HMCN1: variants seen among roughly 807,000 people sequenced by gnomAD.
HMCN1 encodes hemicentin 1.
Under a neutral mutation model 625.9 loss-of-function variants are expected in HMCN1, and 321 were observed. The observed-to-expected ratio is 0.51, with a 90% CI of 0.47 to 0.56. The LOEUF (loss-of-function observed/expected upper bound fraction) is 0.56, where lower values mean the gene tolerates loss of function less well. HMCN1 is among the 20% of genes least tolerant of loss of function. HMCN1 has a pLI of 0.00. For synonymous variants in HMCN1, 2,425 were observed against 2,417.6 expected, an observed-to-expected ratio of 1.00 and a Z score of -0.09; for missense variants, 6,588 against 6,887.3, an observed-to-expected ratio of 0.96 and a Z score of 1.54.
intron 93 of HMCN1, among the ~76,000 whole-genome samples, chr1:186,148,674 T>C (rs989802038): frequency 4.6e-5 from 7 of 152,086 alleles, no homozygotes; most frequent in African/African-American, 9.7e-5. Context: ...GCTAATTTTT[T>C]GTATTTTTTT....
intron 11 of HMCN1, among the ~76,000 whole-genome samples, chr1:185,960,073 T>C (rs1649899075): frequency 6.6e-6 from 1 of 152,090 alleles, no homozygotes; most frequent in African/African-American, 2.4e-5. Flanking sequence ...AAATCTAATT[T>C]TGCTCCTCTG....
At chr1:185,780,162 G>A (rs1656958953) in intron 1 of HMCN1, among the ~76,000 whole-genome samples, 1 of 152,184 alleles carries the variant, frequency 6.6e-6, no homozygotes, top group African/African-American at 2.4e-5. Context: ...TGTTATTGGT[G>A]TATAAGAATG....
chr1:186,003,976 A>G lies in HMCN1; in HGVS notation c.4475+132A>G, dbSNP rs74316016. On this transcript the variant is annotated intron_variant, in intron 29 of 106. Transcript: ENST00000271588. ...ATTAAATGAGCATACAGGAAAAACAATATTGCTCAAAAGCTAGTCTGAAAG... is the reference window on the plus strand; with the variant it reads ...ATTAAATGAGCATACAGGAAAAACAGTATTGCTCAAAAGCTAGTCTGAAAG... 3,557 of 865,066 alleles carry G rather than the reference A, an allele frequency of 4.1e-3. 84 individuals are homozygous for G. The African/African-American group carries it at 0.055, about 13-fold the overall frequency. 53.6% of individuals were successfully genotyped at this position (865,066 alleles called of 1,614,324 possible).
At chr1:186,019,348 TAAG>T (rs1450557706) in intron 34 of HMCN1, among the ~76,000 whole-genome samples, 190 bp from the exon 35 acceptor site, 1 of 152,056 alleles carries the variant, frequency 6.6e-6, no homozygotes, top group Non-Finnish European at 1.5e-5. Context: ...AATCCATAGT[TAAG>T]AAGTAACTAA....
intron 11 of HMCN1, among the ~76,000 whole-genome samples, chr1:185,936,428 C>G (rs1571583529): frequency 6.6e-6 from 1 of 151,948 alleles, no homozygotes; most frequent in African/African-American, 2.4e-5. Context: ...GAACATTTAT[C>G]TATATTTTAA....
chr1:186,145,418 G>A lies in HMCN1; in HGVS notation c.14282G>A (p.Ser4761Asn), dbSNP rs1161031077. ...SDPCPTHGNW[S>N]PWSGWGTCSR... ...TGTCTTGTAGCCCATGGTAACTGGA[G>A]TCCTTGGAGTGGCTGGGGAACATGC... The change falls in exon 92 of 107, where the codon AGT (serine) becomes AAT (asparagine). Residue 4761 changes from serine (S) to asparagine (N), a missense_variant. Around this residue, in one of 3 missense-constraint regions of HMCN1, gnomAD observed 1,954 missense variants for 2,013.1 expected, o/e 0.97. Coordinates refer to ENST00000271588, the MANE Select transcript of HMCN1 (RefSeq NM_031935.3). The A allele has an allele frequency of 6.3e-7, 1 of 1,583,884 alleles. No homozygotes were observed. The highest frequency in any genetic ancestry group is 1.4e-5 in the African/African-American group (1 of 73,882).
At chr1:185,932,360 A>G (rs964807905) in intron 10 of HMCN1, among the ~76,000 whole-genome samples, 2 of 152,196 alleles carry the variant, frequency 1.3e-5, no homozygotes, top group African/African-American at 4.8e-5. Context: ...TCTTCATTCT[A>G]GGCTTATGAT....
rs776842026 is a variant in HMCN1 at position 186,074,703 on chromosome 1, T to G, written c.8140-38T>G. 3 of 1,597,092 alleles carry G rather than the reference T, an allele frequency of 1.9e-6. No homozygotes were observed. In the South Asian group the frequency reaches 3.3e-5, roughly 18 times the overall value. On this transcript the variant is annotated intron_variant, in intron 52 of 106. Coordinates refer to ENST00000271588, the MANE Select transcript of HMCN1 (RefSeq NM_031935.3). ...GCATGGCCTCTTAGAGGATTCATTA[T>G]AGCACTTAATGCTAACATTGTTATA...
At chr1:185,813,948 G>C (rs1659686499) in intron 1 of HMCN1, among the ~76,000 whole-genome samples, 1 of 152,122 alleles carries the variant, frequency 6.6e-6, no homozygotes, top group Non-Finnish European at 1.5e-5. Flanking sequence ...AATAGGATAT[G>C]GAGTTCACTT....
chr1:185,763,085 G>A (rs1655617443), intron 1 of HMCN1, among the ~76,000 whole-genome samples: 1 of 152,162 alleles, frequency 6.6e-6, no homozygotes, highest in Non-Finnish European at 1.5e-5. Flanking sequence ...GATTCCAGGA[G>A]CACCTGGGCC....
At chr1:186,126,875 C>A (rs1029862254) in intron 82 of HMCN1, among the ~76,000 whole-genome samples, 1 of 151,988 alleles carries the variant, frequency 6.6e-6, no homozygotes, top group African/African-American at 2.4e-5. Flanking sequence ...TAAAGGGTTA[C>A]GTTGGCTGTT....
intron 4 of HMCN1, among the ~76,000 whole-genome samples, chr1:185,867,038 C>A (rs1431459925): frequency 3.3e-5 from 5 of 151,980 alleles, no homozygotes; most frequent in Non-Finnish European, 7.4e-5. Flanking sequence ...TTCAGTAGTT[C>A]TCTTATAGCT....
chr1:186,176,320 A>T (rs1213252795), intron 103 of HMCN1, among the ~76,000 whole-genome samples: 1 of 152,234 alleles, frequency 6.6e-6, no homozygotes, highest in East Asian at 1.9e-4. Flanking sequence ...TAGTTTTGCC[A>T]GTATTCCTAC....
intron 2 of HMCN1, among the ~76,000 whole-genome samples, chr1:185,847,949 T>C (rs931367949): frequency 6.6e-6 from 1 of 151,798 alleles, no homozygotes; most frequent in African/African-American, 2.4e-5. Context: ...TGAGACCCTG[T>C]CTCCAAAAGA....
Position 185,803,528 on chromosome 1 carries a change from G to GA in HMCN1, c.269-42492dup, listed in dbSNP as rs574618262. 9.7e-4 allele frequency among the ~76,000 whole-genome samples: 147 copies of GA among 151,918 alleles called. 1 individual carries two copies. In the South Asian group the frequency reaches 0.029, roughly 30 times the overall value. ...CTTTCCAAAACGATTTGTGGTGAGGGAAAAAAGGGAGTTGAAAAGTAAGTC... is the reference window on the plus strand; with the variant it reads ...CTTTCCAAAACGATTTGTGGTGAGGGAAAAAAAGGGAGTTGAAAAGTAAGTC... On this transcript the variant is annotated intron_variant, in intron 1 of 106. Transcript: ENST00000271588.
At chr1:185,895,214 G>A (rs1274426715) in intron 4 of HMCN1, among the ~76,000 whole-genome samples, 1 of 152,182 alleles carries the variant, frequency 6.6e-6, no homozygotes, top group Non-Finnish European at 1.5e-5. Context: ...GTAAATATAT[G>A]TTGCAAGTAA....
chr1:185,825,956 T>A (rs1232122771), intron 1 of HMCN1, among the ~76,000 whole-genome samples: 3 of 152,218 alleles, frequency 2.0e-5, no homozygotes, highest in African/African-American at 7.2e-5. Flanking sequence ...ATTTTGTTTC[T>A]ATAAAAACTA....
At chr1:186,170,389 C>T (rs570765214) in intron 100 of HMCN1, among the ~76,000 whole-genome samples, 7 of 152,254 alleles carry the variant, frequency 4.6e-5, no homozygotes, top group South Asian at 2.1e-4. Flanking sequence ...GACAGTGTGG[C>T]GATTGCTCAA....
chr1:185,998,440 T>C (rs1408032445), intron 25 of HMCN1, among the ~76,000 whole-genome samples: 1 of 152,152 alleles, frequency 6.6e-6, no homozygotes, highest in Non-Finnish European at 1.5e-5. Flanking sequence ...TTAACAAGCT[T>C]TTCAGATACC....
Sources: allele counts gnomAD v4.1 joint callset (sites outside exome capture counted in the v4.1 genomes callset), GRCh38; gene constraint gnomAD v4.1.1; regional missense constraint gnomAD v4.1.1; transcripts MANE v1.5; gene names NCBI Gene and HGNC (gene_info 2026-07-23, HGNC 2026-07-21).